The following CCM2 variants were observed in gnomAD, a reference collection of about 807,000 sequenced individuals.
CCM2 encodes the protein cerebral cavernous malformations 2 protein.
CCM2 carries 25 observed loss-of-function variants against 44.9 expected under a neutral mutation model. The ratio of observed to expected loss-of-function variants is 0.56; its 90% CI spans 0.41 to 0.78. CCM2 has a LOEUF of 0.78. Among genes scored for constraint, CCM2 ranks in the 30% least tolerant of loss-of-function variants. CCM2 has a pLI of 0.00. For synonymous variants in CCM2, 219 were observed against 241.1 expected, an observed-to-expected ratio of 0.91 and a Z score of 0.85; for missense variants, 481 against 580.6, an observed-to-expected ratio of 0.83 and a Z score of 1.76.
At chr7:45,039,385 G>A (rs1423863698) in intron 2 of CCM2, among the ~76,000 whole-genome samples, 1 of 152,186 alleles carries the variant, frequency 6.6e-6, no homozygotes, top group Non-Finnish European at 1.5e-5. Context: ...GTGCTCATTG[G>A]GGAAGTTAAG....
At chr7:45,016,785 A>G (rs778574381) in intron 1 of CCM2, among the ~76,000 whole-genome samples, 14 of 152,090 alleles carry the variant, frequency 9.2e-5, no homozygotes, top group Non-Finnish European at 1.8e-4. Context: ...GGCGCCTACC[A>G]CCACGCCTGG....
intron 2 of CCM2, among the ~76,000 whole-genome samples, chr7:45,051,819 C>T (rs773857058): frequency 6.6e-6 from 1 of 152,102 alleles, no homozygotes; most frequent in Non-Finnish European, 1.5e-5. Flanking sequence ...CCTCGGCCCC[C>T]CAAAATGCTG....
At chr7:45,035,166 G>A (rs1392347385) in intron 1 of CCM2, among the ~76,000 whole-genome samples, 2 of 152,196 alleles carry the variant, frequency 1.3e-5, no homozygotes, top group Non-Finnish European at 2.9e-5. Context: ...TCTGTGGTTC[G>A]TCTTAGAGCG....
intron 2 of CCM2, among the ~76,000 whole-genome samples, chr7:45,052,476 G>A (rs934237441): frequency 1.3e-5 from 2 of 152,198 alleles, no homozygotes; most frequent in African/African-American, 4.8e-5. Context: ...GAACAGGTCC[G>A]CTGGGAAGTG....
chr7:45,014,931 C>G (rs1211025145), intron 1 of CCM2, among the ~76,000 whole-genome samples: 1 of 152,188 alleles, frequency 6.6e-6, no homozygotes, highest in African/African-American at 2.4e-5. Context: ...CAGTCTTAAC[C>G]ATTTTTAAGT....
intron 1 of CCM2, among the ~76,000 whole-genome samples, chr7:45,003,937 T>C (rs539163872): frequency 6.6e-6 from 1 of 152,294 alleles, no homozygotes; most frequent in South Asian, 2.1e-4. Context: ...CCCAGCACTT[T>C]GGGAGACTGA....
At chr7:45,038,192 T>C in intron 1 of CCM2, 61 bp from the exon 2 acceptor site, 1 of 1,600,202 alleles carries the variant, frequency 6.2e-7, no homozygotes. Context: ...TTGTTAACCA[T>C]AGGTACAACA....
chr7:45,064,333 A>G, intron 3 of CCM2, 130 bp from the exon 4 acceptor site: 3 of 909,278 alleles, frequency 3.3e-6, no homozygotes, highest in South Asian at 1.4e-5. Flanking sequence ...TCTGAGGGGA[A>G]TAACACTGAC....
At position 45,009,696 on chromosome 7, in the gene CCM2, G is replaced by T. The variant is rs116358454; in HGVS notation, c.30+9333G>T. ...TGGGATTACACTCATGAGCCACCCT[G>T]CCTGGCCTGGCTATACTTGTTTTAT... On this transcript the variant is annotated intron_variant, in intron 1 of 9. Transcript: ENST00000258781. 8.0e-3 allele frequency among the ~76,000 whole-genome samples: 1,210 copies of T among 152,166 alleles called. 17 individuals are homozygous for T. Among genetic ancestry groups the T allele is most frequent in the African/African-American group, 0.027 (1,136 of 41,532 alleles).
intron 2 of CCM2, among the ~76,000 whole-genome samples, chr7:45,052,070 A>G (rs1798039368): frequency 6.6e-6 from 1 of 152,184 alleles, no homozygotes; most frequent in Non-Finnish European, 1.5e-5. Flanking sequence ...CCCTTGATCC[A>G]AGGTGATGAT....
chr7:45,016,956 C>T (rs2331206), intron 1 of CCM2, among the ~76,000 whole-genome samples: 72,415 of 151,228 alleles, frequency 0.48, 18,586 homozygotes, highest in East Asian at 0.7. Flanking sequence ...TTTTTAGGAG[C>T]GACAGGGTTT....
chr7:45,057,273 CT>C (rs1289667386), intron 2 of CCM2, among the ~76,000 whole-genome samples: 2 of 152,142 alleles, frequency 1.3e-5, no homozygotes. Context: ...AGCAGCTCCC[CT>C]GCCTCAGCCT....
chr7:45,039,566 C>T (rs1266456945), intron 2 of CCM2, among the ~76,000 whole-genome samples: 1 of 152,068 alleles, frequency 6.6e-6, no homozygotes, highest in Non-Finnish European at 1.5e-5. Context: ...AAAGGCAGAG[C>T]TCAAGACAAA....
At chr7:45,070,206 G>T in intron 6 of CCM2, 1 of 550,664 alleles carries the variant, frequency 1.8e-6, no homozygotes, top group South Asian at 2.1e-5. Flanking sequence ...TTTGGGGTCT[G>T]TGAACACTTT....
intron 1 of CCM2, among the ~76,000 whole-genome samples, chr7:45,008,472 C>T (rs990247417): frequency 6.6e-6 from 1 of 150,876 alleles, no homozygotes; most frequent in African/African-American, 2.5e-5. Flanking sequence ...AGCGATTCTC[C>T]TGCCTCAGCC....
chr7:45,004,997 A>C (rs1583829762), intron 1 of CCM2, among the ~76,000 whole-genome samples: 1 of 11,648 alleles, frequency 8.6e-5, no homozygotes, highest in African/African-American at 1.3e-3. Context: ...ACTCCGTCTC[A>C]AAAAAAAAAA....
At chr7:45,005,703 T>G (rs1795822164) in intron 1 of CCM2, among the ~76,000 whole-genome samples, 2 of 152,252 alleles carry the variant, frequency 1.3e-5, no homozygotes, top group African/African-American at 4.8e-5. Flanking sequence ...CTTAGCCCAC[T>G]GAGAAGAGGG....
chr7:45,041,570 C>T (rs1797501991), intron 2 of CCM2, among the ~76,000 whole-genome samples: 1 of 152,214 alleles, frequency 6.6e-6, no homozygotes. Context: ...CCAGCTCCTT[C>T]TGACCAAAGG....
rs970795096 is a variant in CCM2 at position 45,056,675 on chromosome 7, G to C, written c.205-7243G>C. 3.3e-5 allele frequency among the ~76,000 whole-genome samples: 5 copies of C among 152,220 alleles called. No homozygotes were observed. In the East Asian group the frequency reaches 9.6e-4, roughly 29 times the overall value. On this transcript the variant is annotated intron_variant, in intron 2 of 9. Coordinates refer to ENST00000258781, the MANE Select transcript of CCM2 (RefSeq NM_031443.4). ...TGCCCAGTTTTTAATTGGGTTGTTT[G>C]GTTTTTGGTTGTTGAGTTCTAGGAC...
Sources: gnomAD v4.1 joint callset for allele counts (sites outside exome capture counted in the v4.1 genomes callset) on GRCh38, gnomAD v4.1.1 for gene constraint, MANE v1.5 for transcripts, NCBI Gene and HGNC (gene_info 2026-07-23, HGNC 2026-07-21) for gene names.